Variants in WWOX observed in about 807,000 individuals in gnomAD.
The protein encoded by WWOX is WW domain containing oxidoreductase.
Under a neutral mutation model 46.2 loss-of-function variants are expected in WWOX, and 69 were observed. That is an observed-to-expected ratio of 1.49 (90% CI 1.23 to 1.82). The LOEUF is 1.82. Among genes scored for constraint, WWOX ranks in the 40% most tolerant of loss-of-function variants. WWOX has a pLI of 0.00. For synonymous variants in WWOX, 359 were observed against 202.6 expected (o/e 1.77, Z -6.56); for missense variants, 919 against 542.6 (o/e 1.69, Z -6.89).
At chr16:78,769,610 C>T (rs964131609) in intron 8 of WWOX, among the ~76,000 whole-genome samples, 1 of 145,768 alleles carries the variant, frequency 6.9e-6, no homozygotes, top group East Asian at 2.0e-4. Flanking sequence ...CTCCATCAGT[C>T]AGGATCCAGT....
At chr16:78,723,422 CTAT>C in intron 8 of WWOX, among the ~76,000 whole-genome samples, 1 of 149,222 alleles carries the variant, frequency 6.7e-6, no homozygotes, top group East Asian at 2.0e-4. Context: ...TGGTGCCAAG[CTAT>C]TATTATAAAT....
chr16:78,591,584 C>G (rs547012804), intron 8 of WWOX, among the ~76,000 whole-genome samples: 1 of 152,166 alleles, frequency 6.6e-6, no homozygotes, highest in Non-Finnish European at 1.5e-5. Flanking sequence ...ATTTAGGTTA[C>G]CATCATTTAT....
At chr16:78,224,158 C>G (rs1421746064) in intron 5 of WWOX, among the ~76,000 whole-genome samples, 1 of 152,108 alleles carries the variant, frequency 6.6e-6, no homozygotes, top group Non-Finnish European at 1.5e-5. Context: ...CACCCGCCAC[C>G]AAGCCCAGCT....
intron 1 of WWOX, among the ~76,000 whole-genome samples, chr16:78,105,006 C>G (rs183087492): frequency 8.5e-4 from 130 of 152,328 alleles, no homozygotes; most frequent in African/African-American, 2.9e-3. Context: ...CCAAATTACT[C>G]TCTCTGCTTC....
intron 8 of WWOX, among the ~76,000 whole-genome samples, chr16:79,171,182 G>C (rs1311306289): frequency 6.6e-6 from 1 of 152,180 alleles, no homozygotes; most frequent in African/African-American, 2.4e-5. Flanking sequence ...CACACATAGC[G>C]ACAGATAATT....
intron 8 of WWOX, among the ~76,000 whole-genome samples, chr16:78,537,334 A>G (rs1016278495): frequency 6.6e-6 from 1 of 152,072 alleles, no homozygotes; most frequent in South Asian, 2.1e-4. Flanking sequence ...CATGATATGC[A>G]TTTTCTAGGT....
At chr16:79,046,097 C>T (rs552295790) in intron 8 of WWOX, among the ~76,000 whole-genome samples, 6 of 152,140 alleles carry the variant, frequency 3.9e-5, no homozygotes, top group African/African-American at 1.2e-4. Flanking sequence ...CCACTGCACC[C>T]GGCCACAGTT....
intron 8 of WWOX, among the ~76,000 whole-genome samples, chr16:79,075,276 G>A (rs994552157): frequency 2.6e-5 from 4 of 152,046 alleles, no homozygotes; most frequent in African/African-American, 7.2e-5. Context: ...TTCTACATTC[G>A]TTTTTTAACC....
intron 8 of WWOX, chr16:78,525,842 CTT>C (rs1243656354): frequency 1.3e-4 from 6 of 46,242 alleles, no homozygotes; most frequent in Non-Finnish European, 5.4e-5. Flanking sequence ...ATGCACACTG[CTT>C]TAAAAAAAAA....
At chr16:78,662,793 G>A (rs942997136) in intron 8 of WWOX, among the ~76,000 whole-genome samples, 8 of 152,118 alleles carry the variant, frequency 5.3e-5, no homozygotes, top group Non-Finnish European at 8.8e-5. Flanking sequence ...TAGTGTTTTG[G>A]TGGTTCCTGG....
chr16:78,517,171 G>A (rs530702715), intron 8 of WWOX, among the ~76,000 whole-genome samples: 3 of 152,148 alleles, frequency 2.0e-5, no homozygotes, highest in Non-Finnish European at 1.5e-5. Context: ...TTTTATAGGA[G>A]TGTGAATGAT....
At chr16:78,366,057 A>G (rs2081529365) in intron 5 of WWOX, among the ~76,000 whole-genome samples, 2 of 152,168 alleles carry the variant, frequency 1.3e-5, no homozygotes, top group African/African-American at 2.4e-5. Flanking sequence ...CTTTCGGCCC[A>G]TTGGAAAATG....
At chr16:78,892,485 A>G (rs1047991930) in intron 8 of WWOX, among the ~76,000 whole-genome samples, 1 of 152,138 alleles carries the variant, frequency 6.6e-6, no homozygotes, top group Non-Finnish European at 1.5e-5. Context: ...GTGGTCATGG[A>G]CAGGTCACCC....
chr16:79,057,304 T>A (rs2048281073), intron 8 of WWOX, among the ~76,000 whole-genome samples: 1 of 152,184 alleles, frequency 6.6e-6, no homozygotes, highest in African/African-American at 2.4e-5. Flanking sequence ...GGGGCATGAA[T>A]TGCAGTGGAA....
At chr16:78,760,356 T>C (rs1250757607) in intron 8 of WWOX, among the ~76,000 whole-genome samples, 1 of 152,164 alleles carries the variant, frequency 6.6e-6, no homozygotes, top group Non-Finnish European at 1.5e-5. Context: ...CAATATGAGA[T>C]TTGGATGGGG....
In WWOX at chr16:79,024,546, G is replaced by A. The variant is rs551389253; in HGVS notation, c.1057-187062G>A. 5.9e-5 allele frequency among the ~76,000 whole-genome samples: 9 copies of A among 152,158 alleles called. No homozygotes were observed. In the East Asian group the frequency reaches 1.7e-3, roughly 29 times the overall value. On this transcript the variant is annotated intron_variant, in intron 8 of 8. Transcript: ENST00000566780. ...CCTCCCAGGTTCACGCCATTCTCCT[G>A]CCTCAGCCTCCCGAGTAGCTGGGAC... is the stretch of plus-strand genomic sequence containing the variant.
intron 8 of WWOX, among the ~76,000 whole-genome samples, chr16:79,041,729 T>A (rs1387244096): frequency 6.6e-6 from 1 of 152,170 alleles, no homozygotes; most frequent in Non-Finnish European, 1.5e-5. Context: ...AAACTGGACC[T>A]TTCATGGAAT....
At chr16:79,133,020 A>T (rs1021512772) in intron 8 of WWOX, among the ~76,000 whole-genome samples, 2 of 152,038 alleles carry the variant, frequency 1.3e-5, no homozygotes, top group Non-Finnish European at 2.9e-5. Flanking sequence ...GCTCTGTGAG[A>T]TTTTCCTTCT....
At chr16:78,667,064 T>A (rs529728291) in intron 8 of WWOX, among the ~76,000 whole-genome samples, 142 of 152,124 alleles carry the variant, frequency 9.3e-4, no homozygotes, top group Non-Finnish European at 1.6e-3. Context: ...GTCAGAGGAG[T>A]TTTGAGTATC....
Sources: allele counts gnomAD v4.1 joint callset (sites outside exome capture counted in the v4.1 genomes callset), GRCh38; gene constraint gnomAD v4.1.1; transcripts MANE v1.5; gene names NCBI Gene and HGNC (gene_info 2026-07-23, HGNC 2026-07-21).